APBB2: variants seen among roughly 807,000 people sequenced by gnomAD.
The protein encoded by APBB2 is amyloid beta precursor protein binding family B member 2.
In APBB2, 38 loss-of-function variants were observed where a neutral mutation model predicts 82.5. The ratio of observed to expected loss-of-function variants is 0.46; its 90% CI spans 0.36 to 0.60. The LOEUF (loss-of-function observed/expected upper bound fraction) is 0.60, where lower values mean the gene tolerates loss of function less well. Ranked by LOEUF, APBB2 falls within the 20% of genes least tolerant of loss-of-function variation. The pLI, the probability that APBB2 is intolerant of heterozygous loss-of-function variation, is 0.00. For missense variants in APBB2, 772 were observed against 972.3 expected (o/e 0.79, Z 2.74); for synonymous variants, 341 against 368.2 (o/e 0.93, Z 0.85).
chr4:41,093,823 C>T (rs1441755376), intron 3 of APBB2, among the ~76,000 whole-genome samples: 2 of 150,586 alleles, frequency 1.3e-5, no homozygotes, highest in Non-Finnish European at 2.9e-5. Flanking sequence ...CATTGCACTC[C>T]AGCCTGGGCA....
chr4:41,164,365 C>T (rs1765953636), intron 1 of APBB2, among the ~76,000 whole-genome samples: 1 of 152,186 alleles, frequency 6.6e-6, no homozygotes, highest in Admixed American at 6.5e-5. Context: ...GCAGTGTGCA[C>T]ATTACAATCT....
chr4:41,207,493 C>G (rs1011715423), intron 1 of APBB2, among the ~76,000 whole-genome samples: 3 of 152,124 alleles, frequency 2.0e-5, no homozygotes, highest in Non-Finnish European at 2.9e-5. Context: ...CAGAAAGAGG[C>G]CTGCATGCAA....
intron 10 of APBB2, among the ~76,000 whole-genome samples, chr4:40,903,017 C>T (rs949867332): frequency 6.6e-6 from 1 of 152,094 alleles, no homozygotes; most frequent in African/African-American, 2.4e-5. Flanking sequence ...GTGGTGCACA[C>T]CTGTAGTCCC....
intron 4 of APBB2, among the ~76,000 whole-genome samples, chr4:41,044,752 C>A (rs761409628): frequency 3.3e-5 from 5 of 152,122 alleles, no homozygotes; most frequent in Non-Finnish European, 5.9e-5. Context: ...TCTAGATGCC[C>A]AAAGGACTTT....
intron 12 of APBB2, among the ~76,000 whole-genome samples, chr4:40,872,635 AGAGGAAGAAG>A (rs1765818740): frequency 6.6e-6 from 1 of 152,182 alleles, no homozygotes; most frequent in Non-Finnish European, 1.5e-5. Flanking sequence ...TGGGATCAAT[AGAGGAAGAAG>A]GAGGGAGAAA....
chr4:41,096,377 T>C (rs927204915), intron 3 of APBB2, among the ~76,000 whole-genome samples: 6 of 152,200 alleles, frequency 3.9e-5, no homozygotes, highest in African/African-American at 1.4e-4. Flanking sequence ...GGACATCAAG[T>C]GCTTAACGGT....
At chr4:41,112,145 G>C (rs1027157209) in intron 2 of APBB2, among the ~76,000 whole-genome samples, 3 of 152,202 alleles carry the variant, frequency 2.0e-5, no homozygotes, top group Non-Finnish European at 4.4e-5. Context: ...AATGATCCTT[G>C]GAGAAACCCC....
intron 12 of APBB2, chr4:40,880,631 C>G: frequency 3.0e-6 from 3 of 985,414 alleles, no homozygotes; most frequent in Non-Finnish European, 3.6e-6. Context: ...CAAAGAAGAT[C>G]ACGGCACTTT....
In APBB2 at chr4:40,890,430, C is replaced by T. The variant is rs775534790; in HGVS notation, c.1463G>A (p.Arg488His). 7.5e-5 allele frequency: 121 copies of T among 1,613,934 alleles called. No individual in the cohort carries two copies. The highest frequency in any genetic ancestry group is 9.0e-5 in the Non-Finnish European group (106 of 1,180,030). The part of the protein sequence containing the change: ...DMLSLVDPMD[R>H]SVLHSQPIVS... ...GATGGGCTGCGAGTGCAGCACGCTG[C>T]GGTCCATGGGGTCCACCAGGCTGAG... The change falls in exon 12 of 18, where the codon CGC (arginine) becomes CAC (histidine). Residue 488 changes from arginine to histidine, a missense_variant. By Grantham distance (29) the Arg-to-His change is conservative. Transcript: ENST00000508593.
chr4:40,854,776 C>A (rs563557912), intron 12 of APBB2, among the ~76,000 whole-genome samples: 4 of 123,484 alleles, frequency 3.2e-5, no homozygotes, highest in Non-Finnish European at 6.4e-5. Context: ...GCGATAAGAG[C>A]GAAAGTCCAT....
At chr4:41,159,963 G>GAA (rs1764574633) in intron 1 of APBB2, among the ~76,000 whole-genome samples, 1 of 66,620 alleles carries the variant, frequency 1.5e-5, no homozygotes, top group African/African-American at 6.6e-5. Flanking sequence ...AGGAGAAGGA[G>GAA]AAGAAGAAGA....
At chr4:40,975,200 T>C (rs747430503) in intron 6 of APBB2, among the ~76,000 whole-genome samples, 23 of 152,164 alleles carry the variant, frequency 1.5e-4, no homozygotes, top group Admixed American at 1.0e-3. Context: ...CTGCAAATAA[T>C]GTCTTGTCAA....
chr4:41,082,564 TTTC>T (rs1430262775), intron 3 of APBB2, among the ~76,000 whole-genome samples: 1 of 113,762 alleles, frequency 8.8e-6, no homozygotes, highest in Non-Finnish European at 2.0e-5. Context: ...CAAAGTTATG[TTTC>T]TTTTTTTTTT....
chr4:40,970,938 A>T (rs1795789732), intron 6 of APBB2, among the ~76,000 whole-genome samples: 1 of 152,244 alleles, frequency 6.6e-6, no homozygotes, highest in South Asian at 2.1e-4. Flanking sequence ...ATTTGCCCCT[A>T]TGTCTTCTAA....
intron 12 of APBB2, among the ~76,000 whole-genome samples, chr4:40,870,708 T>C (rs1765248402): frequency 6.6e-6 from 1 of 151,678 alleles, no homozygotes; most frequent in Admixed American, 6.6e-5. Context: ...TATATACATA[T>C]ATGTGTGTGT....
chr4:40,914,996 A>G (rs1779493045), intron 10 of APBB2, among the ~76,000 whole-genome samples: 2 of 152,196 alleles, frequency 1.3e-5, no homozygotes, highest in Non-Finnish European at 2.9e-5. Flanking sequence ...ATCTGACAAG[A>G]GAGGGGAAGG....
Position 41,053,586 on chromosome 4 carries a change from T to G in APBB2, c.-51+11990A>C, listed in dbSNP as rs1707829328. Among the ~76,000 whole-genome samples the G allele has an allele frequency of 2.0e-5, 3 of 150,638 alleles. No homozygotes were observed. The South Asian group carries it at 6.3e-4, about 32-fold the overall frequency. Reference sequence around the variant, plus strand: ...GAAATCCAATAAAGCCTGTTGGAGCTTAACATTTTCAAGAAATCAGACTAT... The same window carrying G: ...GAAATCCAATAAAGCCTGTTGGAGCGTAACATTTTCAAGAAATCAGACTAT... On this transcript the variant is annotated intron_variant, in intron 4 of 17. Coordinates refer to ENST00000508593, the MANE Select transcript of APBB2 (RefSeq NM_004307.2).
intron 1 of APBB2, among the ~76,000 whole-genome samples, chr4:41,198,264 G>C: frequency 6.6e-6 from 1 of 152,170 alleles, no homozygotes; most frequent in Admixed American, 6.5e-5. Context: ...CATGTTAATG[G>C]AGGAATAAGC....
intron 12 of APBB2, among the ~76,000 whole-genome samples, chr4:40,885,282 G>A (rs1769890348): frequency 6.6e-6 from 1 of 152,194 alleles, no homozygotes; most frequent in South Asian, 2.1e-4. Context: ...GTAGAGGAGG[G>A]GTCAGCCCAT....
Sources: gnomAD v4.1 joint callset for allele counts (sites outside exome capture counted in the v4.1 genomes callset) on GRCh38, gnomAD v4.1.1 for gene constraint, MANE v1.5 for transcripts, NCBI Gene and HGNC (gene_info 2026-07-23, HGNC 2026-07-21) for gene names.